Variants in TEKT3 observed in about 807,000 individuals in gnomAD.
TEKT3 encodes the protein tektin 3, also known as tektin-3.
In TEKT3, 49 loss-of-function variants were observed where a neutral mutation model predicts 49.8. The observed-to-expected ratio is 0.98, with a 90% CI of 0.78 to 1.25. The LOEUF is 1.25. TEKT3 is among the 50% of genes most tolerant of loss of function. The pLI is 0.00. For missense variants in TEKT3, 595 were observed against 629.5 expected (o/e 0.95, Z 0.59); for synonymous variants, 225 against 237.2 (o/e 0.95, Z 0.47).
chr17:15,336,452 A>C (rs1911985744), intron 2 of TEKT3, among the ~76,000 whole-genome samples: 1 of 152,188 alleles, frequency 6.6e-6, no homozygotes, highest in Non-Finnish European at 1.5e-5. Flanking sequence ...CTGCAATAAG[A>C]GAATTGTTAA....
At chr17:15,312,598 T>C (rs980206983) in intron 6 of TEKT3, 117 bp from the exon 7 acceptor site, 2 of 803,862 alleles carry the variant, frequency 2.5e-6, no homozygotes, top group Admixed American at 2.7e-5. Context: ...CCTAGCTTCA[T>C]TATATAAATG....
chr17:15,307,283 C>T (rs982634051), intron 8 of TEKT3, among the ~76,000 whole-genome samples: 2 of 152,180 alleles, frequency 1.3e-5, no homozygotes, highest in South Asian at 2.1e-4. Flanking sequence ...CATTACACAA[C>T]GTAAAACACA....
intron 3 of TEKT3, among the ~76,000 whole-genome samples, chr17:15,329,876 T>C (rs1911647358): frequency 6.6e-6 from 1 of 152,220 alleles, no homozygotes; most frequent in South Asian, 2.1e-4. Flanking sequence ...CTAGCTGTGC[T>C]CATCAAAATG....
intron 2 of TEKT3, among the ~76,000 whole-genome samples, chr17:15,332,527 C>G (rs548664493): frequency 1.3e-5 from 2 of 152,162 alleles, no homozygotes; most frequent in East Asian, 1.9e-4. Flanking sequence ...CCCCTGCCCC[C>G]ACAAGTCATC....
At position 15,317,609 on chromosome 17, in the gene TEKT3, G is replaced by T. The variant is rs1264885604; in HGVS notation, c.734+1468C>A. On this transcript the variant is annotated intron_variant, in intron 5 of 8. Transcript: ENST00000395930. Reference sequence around the variant, plus strand: ...GATGGGCAAATTAAATGAGCAGCATGGACGCTTTTATAACACACATAATCA... The same window carrying T: ...GATGGGCAAATTAAATGAGCAGCATTGACGCTTTTATAACACACATAATCA... Among the ~76,000 whole-genome samples, 6 of 152,164 alleles carry T rather than the reference G, an allele frequency of 3.9e-5. No individual in the cohort carries two copies. In the East Asian group the frequency reaches 1.2e-3, roughly 29 times the overall value.
Position 15,304,128 on chromosome 17 carries a change from AACCTCGTGT to A in TEKT3, c.1272_1280del (p.His425_Val427del), listed in dbSNP as rs759000506. 247 of 1,614,148 alleles carry A rather than the reference AACCTCGTGT, an allele frequency of 1.5e-4. 4 individuals carry two copies. In the South Asian group the frequency reaches 2.0e-3, roughly 13 times the overall value. On this transcript the variant is annotated inframe_deletion, in exon 9 of 9. Transcript: ENST00000395930. This position sits in a 1 kb window ranked among gnomAD's most constrained non-coding sequence, Gnocchi z 4.7. ...GCTGCAGGGTCTGGATGGTGTCGTC[AACCTCGTGT>A]ACCTCGTTAACAAGGCTGCAGCATA... is the stretch of plus-strand genomic sequence containing the variant.
chr17:15,327,337 G>T (rs986248640), intron 4 of TEKT3, among the ~76,000 whole-genome samples: 1 of 151,888 alleles, frequency 6.6e-6, no homozygotes, highest in Admixed American at 6.6e-5. Flanking sequence ...CCAACATGGC[G>T]AAATCCCATC....
At chr17:15,326,629 GA>G (rs1203910404) in intron 4 of TEKT3, among the ~76,000 whole-genome samples, 4 of 152,200 alleles carry the variant, frequency 2.6e-5, no homozygotes, top group African/African-American at 9.6e-5. Context: ...ACCATCAATA[GA>G]AAGGGACAGG....
At chr17:15,334,451 A>G (rs1911904359) in intron 2 of TEKT3, among the ~76,000 whole-genome samples, 1 of 152,222 alleles carries the variant, frequency 6.6e-6, no homozygotes, top group Admixed American at 6.5e-5. Flanking sequence ...GAGTTTTCCC[A>G]GCATTTGTTA....
intron 3 of TEKT3, among the ~76,000 whole-genome samples, chr17:15,328,521 G>C (rs1597415918): frequency 6.6e-6 from 1 of 152,238 alleles, no homozygotes; most frequent in Non-Finnish European, 1.5e-5. Context: ...AAAAGTCCCA[G>C]TGATTATTTT....
Position 15,304,109 on chromosome 17 carries a change from G to C in TEKT3, c.1300C>G (p.Leu434Val). Residue 434 changes from leucine to valine, a missense_variant, in exon 9 of 9, where the codon CTG becomes GTG. Leu to Val is a conservative substitution (Grantham distance 32). Coordinates refer to ENST00000395930, the MANE Select transcript of TEKT3 (RefSeq NM_031898.3). The surrounding 1 kb of genome is among the most constrained non-coding windows in gnomAD (Gnocchi z 4.7). ...TCTGCATCCCTCAGGCGCTGCTGCA[G>C]GGTCTGGATGGTGTCGTCAACCTCG... Reference protein sequence around the residue: ...VHEVDDTIQTLQQRLRDAEDT... With the variant: ...VHEVDDTIQTVQQRLRDAEDT... The C allele has an allele frequency of 6.2e-7, 1 of 1,614,184 alleles. No homozygotes were observed. The highest frequency in any genetic ancestry group is 8.5e-7 in the Non-Finnish European group (1 of 1,180,030).
In TEKT3 at chr17:15,303,935, C is replaced by T. The variant is rs1176255312; in HGVS notation, c.*1G>A. The T allele has an allele frequency of 1.2e-6, 2 of 1,613,582 alleles. No individual in the cohort carries two copies. Among genetic ancestry groups the T allele is most frequent in the Non-Finnish European group, 1.7e-6 (2 of 1,179,996 alleles). Reference sequence around the variant, plus strand: ...TATCAAAACCACACCCGGTGGGGTCCCTAGCAGAAGCCGACCAGCCGGAGG... The same window carrying T: ...TATCAAAACCACACCCGGTGGGGTCTCTAGCAGAAGCCGACCAGCCGGAGG... On this transcript the variant is annotated 3_prime_UTR_variant, in exon 9 of 9. Transcript: ENST00000395930.
chr17:15,316,592 C>T (rs1911022470), intron 5 of TEKT3, among the ~76,000 whole-genome samples: 1 of 152,164 alleles, frequency 6.6e-6, no homozygotes, highest in African/African-American at 2.4e-5. Context: ...AGCAAAATTG[C>T]ACTTGTACCC....
At position 15,305,707 on chromosome 17, in the gene TEKT3, C is replaced by G. The variant is rs867902712; in HGVS notation, c.1257-1555G>C. ...GCAGGATGATATATGTGTCTTTACT[C>G]CTTTCAGCCAAATACGAGTCTAGTG... On this transcript the variant is annotated intron_variant, in intron 8 of 8. Coordinates refer to ENST00000395930, the MANE Select transcript of TEKT3 (RefSeq NM_031898.3). Among the ~76,000 whole-genome samples the G allele has an allele frequency of 9.2e-5, 14 of 151,824 alleles. No homozygotes were observed. In the South Asian group the frequency reaches 2.3e-3, roughly 25 times the overall value.
chr17:15,333,019 ATCT>A (rs1911832027), intron 2 of TEKT3, among the ~76,000 whole-genome samples: 1 of 148,906 alleles, frequency 6.7e-6, no homozygotes. Flanking sequence ...ATCATTGTAG[ATCT>A]TTTTTTTTTT....
chr17:15,338,200 AC>A (rs1292393956), intron 2 of TEKT3, among the ~76,000 whole-genome samples: 2 of 152,240 alleles, frequency 1.3e-5, no homozygotes, highest in Non-Finnish European at 2.9e-5. Flanking sequence ...AATATTACTA[AC>A]AACTTTATGG....
chr17:15,328,633 C>T (rs1383777459), intron 3 of TEKT3, among the ~76,000 whole-genome samples: 1 of 152,094 alleles, frequency 6.6e-6, no homozygotes, highest in Non-Finnish European at 1.5e-5. Context: ...AGCCATACTC[C>T]TATTACTACT....
intron 2 of TEKT3, among the ~76,000 whole-genome samples, chr17:15,333,655 A>G (rs1355706977): frequency 6.6e-6 from 1 of 152,220 alleles, no homozygotes; most frequent in Non-Finnish European, 1.5e-5. Context: ...TGTCAGATCA[A>G]TAAATAATCT....
At chr17:15,336,851 G>A (rs1912000526) in intron 2 of TEKT3, among the ~76,000 whole-genome samples, 1 of 152,086 alleles carries the variant, frequency 6.6e-6, no homozygotes, top group Admixed American at 6.5e-5. Context: ...GACCTCTTTG[G>A]AGGTGAAATG....
Sources: gnomAD v4.1 joint callset for allele counts (sites outside exome capture counted in the v4.1 genomes callset) on GRCh38, gnomAD v4.1.1 for gene constraint, Gnocchi (gnomAD v3.1) non-coding constraint, MANE v1.5 for transcripts, NCBI Gene and HGNC (gene_info 2026-07-23, HGNC 2026-07-21) for gene names.